The following AKAP10 variants were observed in gnomAD, a reference collection of about 807,000 sequenced individuals.
AKAP10 encodes the protein A-kinase anchoring protein 10, also known as A-kinase anchor protein 10, mitochondrial.
Under a neutral mutation model 80.8 loss-of-function variants are expected in AKAP10, and 24 were observed. That is an observed-to-expected ratio of 0.30 (90% CI 0.22 to 0.42). The LOEUF is 0.42. AKAP10 is among the 10% of genes least tolerant of loss of function. The pLI, the probability that AKAP10 is intolerant of heterozygous loss-of-function variation, is 1.00. For missense variants in AKAP10, 661 were observed against 794.9 expected (o/e 0.83, Z 2.03); for synonymous variants, 291 against 277.7 (o/e 1.05, Z -0.48).
chr17:19,937,604 C>T (rs759527701), intron 8 of AKAP10, among the ~76,000 whole-genome samples: 1 of 152,234 alleles, frequency 6.6e-6, no homozygotes, highest in Non-Finnish European at 1.5e-5. Context: ...TTGGTCAATA[C>T]TCCTCCACGA....
chr17:19,921,181 T>C (rs2042810071), intron 11 of AKAP10, among the ~76,000 whole-genome samples: 1 of 151,936 alleles, frequency 6.6e-6, no homozygotes, highest in Non-Finnish European at 1.5e-5. Context: ...ATTCTTTTTT[T>C]TTTTTGAGAC....
chr17:19,945,858 T>G (rs1345697305), intron 5 of AKAP10, among the ~76,000 whole-genome samples: 1 of 151,118 alleles, frequency 6.6e-6, no homozygotes, highest in African/African-American at 2.5e-5. Context: ...TAAAAATACA[T>G]AATATTAGGA....
chr17:19,970,892 T>C (rs1205540118), intron 1 of AKAP10, among the ~76,000 whole-genome samples: 1 of 152,086 alleles, frequency 6.6e-6, no homozygotes, highest in Non-Finnish European at 1.5e-5. Context: ...TATGACCACA[T>C]ACAAATACTT....
chr17:19,937,771 T>C (rs901643673), intron 8 of AKAP10, among the ~76,000 whole-genome samples: 1 of 152,214 alleles, frequency 6.6e-6, no homozygotes, highest in East Asian at 1.9e-4. Flanking sequence ...CAGTCCAAAT[T>C]CTGCCACTAA....
intron 4 of AKAP10, among the ~76,000 whole-genome samples, chr17:19,951,073 C>G (rs1289911543): frequency 1.8e-4 from 27 of 152,038 alleles, no homozygotes; most frequent in African/African-American, 6.0e-4. Context: ...CTCCGCCCGG[C>G]AGCCGCCCGG....
intron 2 of AKAP10, among the ~76,000 whole-genome samples, chr17:19,966,254 A>C (rs559756713): frequency 1.1e-4 from 16 of 152,128 alleles, no homozygotes; most frequent in African/African-American, 3.9e-4. Flanking sequence ...TATTTAATCA[A>C]TAATAAACTT....
intron 1 of AKAP10, among the ~76,000 whole-genome samples, chr17:19,973,190 G>T: frequency 6.6e-6 from 1 of 152,128 alleles, no homozygotes. Flanking sequence ...ATGTTGGCCA[G>T]GCTGGTCTCA....
intron 12 of AKAP10, among the ~76,000 whole-genome samples, chr17:19,917,849 G>A (rs1189381756): frequency 6.6e-6 from 1 of 151,996 alleles, no homozygotes; most frequent in Non-Finnish European, 1.5e-5. Context: ...CTAGAACCTG[G>A]GGGGCAGAGG....
At chr17:19,924,008 G>T (rs1448717679) in intron 11 of AKAP10, among the ~76,000 whole-genome samples, 3 of 152,194 alleles carry the variant, frequency 2.0e-5, no homozygotes, top group Non-Finnish European at 4.4e-5. Context: ...GTAAATTTCA[G>T]TAAGTGGCAT....
rs779725519 is a variant in AKAP10, at chr17:19,958,292, G to A, written c.599C>T (p.Thr200Ile). The A allele has an allele frequency of 1.9e-5, 30 of 1,614,194 alleles. No homozygotes were observed. Among genetic ancestry groups the A allele is most frequent in the Non-Finnish European group, 1.1e-5 (13 of 1,180,020 alleles). Residue 200 changes from threonine (T) to isoleucine (I), a missense_variant, in exon 4 of 15, where the codon ACT becomes ATT. Coordinates refer to ENST00000225737, the MANE Select transcript of AKAP10 (RefSeq NM_007202.4). Reference protein sequence around the residue: ...KKHETTASFLTDSLDKRLEDS... With the variant: ...KKHETTASFLIDSLDKRLEDS... The stretch of plus-strand genomic sequence containing the variant: ...CTCCAATCTCTTATCAAGAGAATCA[G>A]TTAAAAAAGACGCTGTAGTTTCATG...
intron 5 of AKAP10, among the ~76,000 whole-genome samples, chr17:19,943,891 AATC>A (rs1424078202): frequency 6.6e-6 from 1 of 152,186 alleles, no homozygotes; most frequent in Non-Finnish European, 1.5e-5. Flanking sequence ...TTCACTGAAC[AATC>A]ATCTGCAGAA....
At position 19,931,875 on chromosome 17, in the gene AKAP10, A is replaced by T. The variant is rs1049590; in HGVS notation, c.1571T>A (p.Leu524Gln). Reference protein sequence around the residue: ...GDEFLGGNVSLTAPGSVGPPD... With the variant: ...GDEFLGGNVSQTAPGSVGPPD... ...AGGGCCAACAGAGCCAGGAGCAGTC[A>T]GCGACACGTTCCCGCCCAGAAATTC... The change falls in exon 10 of 15, where the codon CTG (leucine) becomes CAG (glutamine). Residue 524 changes from leucine to glutamine, a missense_variant. Coordinates refer to ENST00000225737, the MANE Select transcript of AKAP10 (RefSeq NM_007202.4). 6.2e-7 allele frequency: 1 copy of T among 1,614,172 alleles called. No individual in the cohort carries two copies. Among genetic ancestry groups the T allele is most frequent in the Non-Finnish European group, 8.5e-7 (1 of 1,180,036 alleles).
chr17:19,909,797 G>T, intron 13 of AKAP10, 129 bp downstream of exon 13: 1 of 738,360 alleles, frequency 1.4e-6, no homozygotes. Flanking sequence ...GGTACATTCT[G>T]GGTAAGAGAA....
intron 6 of AKAP10, 46 bp from the exon 7 acceptor site, chr17:19,941,056 G>A: frequency 6.4e-7 from 1 of 1,566,400 alleles, no homozygotes; most frequent in Non-Finnish European, 8.6e-7. Context: ...ACCAAGGAAA[G>A]AGTTTAAGTG....
intron 5 of AKAP10, among the ~76,000 whole-genome samples, chr17:19,945,656 C>G (rs570532989): frequency 2.5e-4 from 38 of 152,236 alleles, no homozygotes; most frequent in Middle Eastern, 3.4e-3. Context: ...CCCAGAATAG[C>G]TAACTGGAAG....
At chr17:19,914,346 T>G (rs547450069) in intron 12 of AKAP10, among the ~76,000 whole-genome samples, 37 of 152,012 alleles carry the variant, frequency 2.4e-4, no homozygotes, top group Admixed American at 4.6e-4. Context: ...ACAAGATAAT[T>G]TTAGACAGTG....
rs2042621683 is a variant in AKAP10 at position 19,905,321 on chromosome 17, T to C, written c.*906A>G. ...GCAGTCAAAGTCAAATGTTTCTCTCTCCCCAGTCATCCTGCTCACCTTATT... is the reference window on the plus strand; with the variant it reads ...GCAGTCAAAGTCAAATGTTTCTCTCCCCCCAGTCATCCTGCTCACCTTATT... On this transcript the variant is annotated 3_prime_UTR_variant, in exon 15 of 15. Coordinates refer to ENST00000225737, the MANE Select transcript of AKAP10 (RefSeq NM_007202.4). The C allele has an allele frequency of 1.3e-5, 2 of 151,196 alleles. No homozygotes were observed. The highest frequency in any genetic ancestry group is 2.9e-5 in the Non-Finnish European group (2 of 67,872). The allele number at this position is 151,196 out of a possible 1,614,324, so 9.4% of individuals were successfully genotyped here.
At chr17:19,965,484 T>C (rs548283210) in intron 2 of AKAP10, among the ~76,000 whole-genome samples, 1 of 152,316 alleles carries the variant, frequency 6.6e-6, no homozygotes, top group South Asian at 2.1e-4. Context: ...GTCTCAATTC[T>C]CTTTTCTGGT....
At chr17:19,907,679 A>G (rs2042645971) in intron 14 of AKAP10, among the ~76,000 whole-genome samples, 1 of 152,044 alleles carries the variant, frequency 6.6e-6, no homozygotes, top group South Asian at 2.1e-4. Flanking sequence ...TGCTGGGATT[A>G]CAGGCATGAG....
Sources: allele counts gnomAD v4.1 joint callset (sites outside exome capture counted in the v4.1 genomes callset), GRCh38; gene constraint gnomAD v4.1.1; transcripts MANE v1.5; gene names NCBI Gene and HGNC (gene_info 2026-07-23, HGNC 2026-07-21).